CD68: variants seen among roughly 807,000 people sequenced by gnomAD.
CD68 encodes macrosialin.
In CD68, 24 loss-of-function variants were observed where a neutral mutation model predicts 31.3. That is an observed-to-expected ratio of 0.77 (90% confidence interval 0.55 to 1.08). The LOEUF is 1.08. CD68 is among the 50% of genes least tolerant of loss of function. CD68 has a pLI of 0.00. For missense variants in CD68, 461 were observed against 442.5 expected (o/e 1.04, Z -0.38); for synonymous variants, 190 against 179.6 (o/e 1.06, Z -0.46).
At position 7,580,221 on chromosome 17, in the gene CD68, A is replaced by C. The variant is rs748247778; in HGVS notation, c.461A>C (p.Lys154Thr). The change falls in exon 2 of 6, where the codon AAG becomes ACG. Residue 154 changes from lysine (K) to threonine (T), a missense_variant. By Grantham distance (78) the Lys-to-Thr change is moderately conservative. Transcript: ENST00000250092. The surrounding 1 kb of genome is among the most constrained non-coding windows in gnomAD (Gnocchi z 4.3). ...PPSPSPSPTS[K>T]ETIGDYTWTN... is the part of the protein sequence containing the mutation. Reference sequence around the variant, plus strand: ...TCTCCGAGTCCTAGCCCAACCTCCAAGGAGACCATTGGAGACTACACGTGG... The same window carrying C: ...TCTCCGAGTCCTAGCCCAACCTCCACGGAGACCATTGGAGACTACACGTGG... 1.2e-6 allele frequency: 2 copies of C among 1,613,200 alleles called. No individual in the cohort carries two copies. Among genetic ancestry groups the C allele is most frequent in the Non-Finnish European group, 1.7e-6 (2 of 1,179,664 alleles).
At position 7,581,825 on chromosome 17, in the gene CD68, G is replaced by C. The variant is rs1005323990; in HGVS notation, c.*314G>C. The C allele has an allele frequency of 6.1e-6, 2 of 328,550 alleles. No homozygotes were observed. The highest frequency in any genetic ancestry group is 4.3e-5 in the African/African-American group (2 of 46,986). 20.4% of individuals were successfully genotyped at this position (328,550 alleles called of 1,614,324 possible). On this transcript the variant is annotated 3_prime_UTR_variant, in exon 6 of 6. Coordinates refer to ENST00000250092, the MANE Select transcript of CD68 (RefSeq NM_001251.3). ...GGCCTGTAATCCCAGCTACTTGGGA[G>C]GCTGAGGCAGAACTGCTTGAACCCA...
chr17:7,581,279 C>T, intron 5 of CD68, 99 bp from the exon 6 acceptor site: 3 of 1,459,698 alleles, frequency 2.1e-6, no homozygotes, highest in Non-Finnish European at 2.9e-6. Context: ...GAGCTCCTCA[C>T]CAATCTCCTA....
chr17:7,581,593 T>C lies in CD68; in HGVS notation c.*82T>C. The C allele has an allele frequency of 7.1e-7, 1 of 1,403,232 alleles. No individual in the cohort carries two copies. The highest frequency in any genetic ancestry group is 1.0e-6 in the Non-Finnish European group (1 of 1,000,242). The allele number at this position is 1,403,232 out of a possible 1,614,324, so 86.9% of individuals were successfully genotyped here. A position where few individuals can be genotyped will look rare whatever the true frequency, so the allele number is the denominator to read the frequency against. ...CTTATTTCCTCGACACGCAACTGGC[T>C]CAAAGACAATGTTATTTTCCTTCCC... On this transcript the variant is annotated 3_prime_UTR_variant, in exon 6 of 6. Coordinates refer to ENST00000250092, the MANE Select transcript of CD68 (RefSeq NM_001251.3).
In CD68 at chr17:7,581,399, G is replaced by A. The variant is rs748487888; in HGVS notation, c.953G>A (p.Arg318Gln). The change falls in exon 6 of 6, where the codon CGG (arginine) becomes CAG (glutamine). Residue 318 changes from arginine (R) to glutamine (Q), a missense_variant. Coordinates refer to ENST00000250092, the MANE Select transcript of CD68 (RefSeq NM_001251.3). ...CCAGGTTTCTCCTGCCCCAGTGACC[G>A]GTCCATCTTGCTGCCTCTCATCATC... ...FGQSFSCPSD[R>Q]SILLPLIIGL... is the part of the protein sequence containing the mutation. 61 of 1,614,004 alleles carry A rather than the reference G, an allele frequency of 3.8e-5. No individual in the cohort carries two copies. In the Admixed American group the frequency reaches 7.8e-4, roughly 21 times the overall value.
rs778230032 is a variant in CD68 at position 7,580,871 on chromosome 17, A to C, written c.761-25A>C. 17 of 1,613,726 alleles carry C rather than the reference A, an allele frequency of 1.1e-5. No individual in the cohort carries two copies. The South Asian group carries it at 1.9e-4, about 18-fold the overall frequency. On this transcript the variant is annotated intron_variant, in intron 4 of 5. Coordinates refer to ENST00000250092, the MANE Select transcript of CD68 (RefSeq NM_001251.3). This position sits in a 1 kb window ranked among gnomAD's most constrained non-coding sequence, Gnocchi z 4.3. ...AGCTGGGGCCAGGGAGGTGGATAGG[A>C]TCTGACCCTTCCTCACTCCTCCAGA...
Position 7,581,360 on chromosome 17 carries a change from G to A in CD68, c.932-18G>A, listed in dbSNP as rs1465850468. ...AGCACGTCACTGCAAATACCTACCT[G>A]CCCTATCCTTCCGCCAGGTTTCTCC... is the stretch of plus-strand genomic sequence containing the variant. On this transcript the variant is annotated intron_variant, in intron 5 of 5. Coordinates refer to ENST00000250092, the MANE Select transcript of CD68 (RefSeq NM_001251.3). The A allele has an allele frequency of 6.2e-7, 1 of 1,613,822 alleles. No homozygotes were observed. Among genetic ancestry groups the A allele is most frequent in the African/African-American group, 1.3e-5 (1 of 74,852 alleles).
chr17:7,579,702 G>T lies in CD68; in HGVS notation c.25G>T (p.Gly9Trp). Residue 9 changes from glycine (G) to tryptophan (W), a missense_variant, in exon 1 of 6, where the codon GGG (glycine) becomes TGG (tryptophan). By Grantham distance (184) the Gly-to-Trp change is radical. Coordinates refer to ENST00000250092, the MANE Select transcript of CD68 (RefSeq NM_001251.3). The part of the protein sequence containing the change: MRLAVLFS[G>W]ALLGLLAAQG... Reference sequence around the variant, plus strand: ...CATGAGGCTGGCTGTGCTTTTCTCGGGGGCCCTGCTGGGGCTACTGGCAGG... The same window carrying T: ...CATGAGGCTGGCTGTGCTTTTCTCGTGGGCCCTGCTGGGGCTACTGGCAGG... 1 of 1,604,270 alleles carries T rather than the reference G, an allele frequency of 6.2e-7. No homozygotes were observed. The highest frequency in any genetic ancestry group is 1.3e-5 in the African/African-American group (1 of 74,412).
Position 7,581,530 on chromosome 17 carries a change from A to AGGGCACTGAGGGGGTT in CD68, c.*23_*38dup. 5 of 1,582,516 alleles carry AGGGCACTGAGGGGGTT rather than the reference A, an allele frequency of 3.2e-6. No homozygotes were observed. Among genetic ancestry groups the AGGGCACTGAGGGGGTT allele is most frequent in the Non-Finnish European group, 4.3e-6 (5 of 1,154,200 alleles). On this transcript the variant is annotated 3_prime_UTR_variant, in exon 6 of 6. Coordinates refer to ENST00000250092, the MANE Select transcript of CD68 (RefSeq NM_001251.3). The stretch of plus-strand genomic sequence containing the variant: ...CCTCTGAGCATTTGCTTCAAACCCC[A>AGGGCACTGAGGGGGTT]GGGCACTGAGGGGGTTGGGGTGTGG...
In CD68 at chr17:7,580,243, G is replaced by A. The variant is rs774918395; in HGVS notation, c.483G>A (p.Thr161=). Residue 161 remains threonine (T), a synonymous_variant, in exon 2 of 6, where the codon ACG becomes ACA. Coordinates refer to ENST00000250092, the MANE Select transcript of CD68 (RefSeq NM_001251.3). The surrounding 1 kb of genome is among the most constrained non-coding windows in gnomAD (Gnocchi z 4.3). ...PTSKETIGDY[T]WTNGSQPCVH... ...CCAAGGAGACCATTGGAGACTACACGTGGACCAATGGTTCCCAGCCCTGTG... is the reference window on the plus strand; with the variant it reads ...CCAAGGAGACCATTGGAGACTACACATGGACCAATGGTTCCCAGCCCTGTG... 2.7e-5 allele frequency: 43 copies of A among 1,613,416 alleles called. No individual in the cohort carries two copies. The highest frequency in any genetic ancestry group is 1.1e-4 in the East Asian group (5 of 44,858).
In CD68 at chr17:7,580,356, G is replaced by A; in HGVS notation, c.567+29G>A. On this transcript the variant is annotated intron_variant, in intron 2 of 5. Coordinates refer to ENST00000250092, the MANE Select transcript of CD68 (RefSeq NM_001251.3). This position sits in a 1 kb window ranked among gnomAD's most constrained non-coding sequence, Gnocchi z 4.3. ...AAGCTAAAACTGGGGGATGAGAGGG[G>A]AGGGAGGCAGGACTGGATATAGGCT... is the stretch of plus-strand genomic sequence containing the variant. 1 of 1,608,224 alleles carries A rather than the reference G, an allele frequency of 6.2e-7. No individual in the cohort carries two copies. Among genetic ancestry groups the A allele is most frequent in the Non-Finnish European group, 8.5e-7 (1 of 1,175,866 alleles).
At position 7,581,607 on chromosome 17, in the gene CD68, A is replaced by C; in HGVS notation, c.*96A>C. ...ACGCAACTGGCTCAAAGACAATGTT[A>C]TTTTCCTTCCCTTTCTTGAAGAACA... On this transcript the variant is annotated 3_prime_UTR_variant, in exon 6 of 6. Coordinates refer to ENST00000250092, the MANE Select transcript of CD68 (RefSeq NM_001251.3). 7.6e-7 allele frequency: 1 copy of C among 1,318,696 alleles called. No individual in the cohort carries two copies. Among genetic ancestry groups the C allele is most frequent in the South Asian group, 1.2e-5 (1 of 81,638 alleles). 81.7% of individuals were successfully genotyped at this position (1,318,696 alleles called of 1,614,324 possible). A position where few individuals can be genotyped will look rare whatever the true frequency, so the allele number is the denominator to read the frequency against.
Position 7,580,960 on chromosome 17 carries a change from C to T in CD68, c.825C>T (p.Phe275=), listed in dbSNP as rs536996705. 6.5e-5 allele frequency: 105 copies of T among 1,613,938 alleles called. No homozygotes were observed. The highest frequency in any genetic ancestry group is 1.6e-4 in the Middle Eastern group (1 of 6,084). The change falls in exon 5 of 6, where the codon TTC becomes TTT. Residue 275 remains phenylalanine (F), a synonymous_variant. Transcript: ENST00000250092. This position sits in a 1 kb window ranked among gnomAD's most constrained non-coding sequence, Gnocchi z 4.3. ...RDLQAPLGQS[F]SCSNSSIILS... is the part of the protein sequence containing the mutation. ...TCCAAGCACCCCTGGGGCAGAGCTT[C>T]AGTTGCAGCAACTCGAGCATCATTC... is the stretch of plus-strand genomic sequence containing the variant.
rs2071468398 is a variant in CD68, at chr17:7,580,387, GGAA to G, written c.567+65_567+67del. 1 of 1,609,464 alleles carries G rather than the reference GGAA, an allele frequency of 6.2e-7. No homozygotes were observed. The highest frequency in any genetic ancestry group is 2.2e-5 in the East Asian group (1 of 44,766). On this transcript the variant is annotated intron_variant, in intron 2 of 5. Transcript: ENST00000250092. The surrounding 1 kb of genome is among the most constrained non-coding windows in gnomAD (Gnocchi z 4.3). ...GGCAGGACTGGATATAGGCTCAGAG[GGAA>G]GAAGGAAGAGGGGACAGGGAACCTT...
rs2071478728 is a variant in CD68 at position 7,581,064 on chromosome 17, A to G, written c.929A>G (p.Gln310Arg). 2 of 1,613,002 alleles carry G rather than the reference A, an allele frequency of 1.2e-6. No homozygotes were observed. Among genetic ancestry groups the G allele is most frequent in the Non-Finnish European group, 1.7e-6 (2 of 1,179,444 alleles). Residue 310 changes from glutamine to arginine, a missense_variant and splice_region_variant, in exon 5 of 6, where the codon CAA becomes CGA. Gln to Arg is a conservative substitution (Grantham distance 43). Coordinates refer to ENST00000250092, the MANE Select transcript of CD68 (RefSeq NM_001251.3). ...CTGCCCCACACAGGGGTCTTTGGGC[A>G]AAGTAAGACCTACCTACTCCTTCCC... is the stretch of plus-strand genomic sequence containing the variant. ...AQLPHTGVFG[Q>R]SFSCPSDRSI...
rs926078363 is a variant in CD68 at position 7,581,923 on chromosome 17, GAC to G, written c.*414_*415del. The G allele has an allele frequency of 1.6e-5, 3 of 182,714 alleles. No individual in the cohort carries two copies. The highest frequency in any genetic ancestry group is 2.4e-5 in the African/African-American group (1 of 41,756). 11.3% of individuals were successfully genotyped at this position (182,714 alleles called of 1,614,324 possible). On this transcript the variant is annotated 3_prime_UTR_variant, in exon 6 of 6. Coordinates refer to ENST00000250092, the MANE Select transcript of CD68 (RefSeq NM_001251.3). The stretch of plus-strand genomic sequence containing the variant: ...CGCGCCACTGCACTCCAGCCTGGGC[GAC>G]AGAGCCAGACTGTCTCAAATAAATA...
In CD68 at chr17:7,580,712, A is replaced by C. The variant is rs375244919; in HGVS notation, c.689A>C (p.Asp230Ala). Residue 230 changes from aspartate (D) to alanine (A), a missense_variant and splice_region_variant, in exon 4 of 6, where the codon GAC becomes GCC. Physicochemically the swap from Asp to Ala is moderately radical, Grantham distance 126. Transcript: ENST00000250092. The surrounding 1 kb of genome is among the most constrained non-coding windows in gnomAD (Gnocchi z 4.3). ...YGHLSFGFMQ[D>A]LQQKVVYLSY... ...TGCGCCTTCCTCTTCGCCCCACAGG[A>C]CCTCCAGCAGAAGGTTGTCTACCTG... is the stretch of plus-strand genomic sequence containing the variant. The C allele has an allele frequency of 6.2e-7, 1 of 1,613,576 alleles. No individual in the cohort carries two copies. Among genetic ancestry groups the C allele is most frequent in the South Asian group, 1.1e-5 (1 of 91,078 alleles).
chr17:7,579,898 TG>T lies in CD68; in HGVS notation c.140del (p.Gly47GlufsTer150). On this transcript the variant is annotated frameshift_variant, in exon 2 of 6. Transcript: ENST00000250092. LOFTEE classifies it high-confidence loss of function. ...TGACACCCACGGTTACAGAGAGCAC[TG>T]GAACAACCAGCCACAGGACTACCAA... Reference protein sequence around the residue: ...TVTPTVTESTGTTSHRTTKSH... With the variant: ...TVTPTVTESTXTTSHRTTKSH... 5.6e-6 allele frequency: 9 copies of T among 1,613,820 alleles called. No individual in the cohort carries two copies. Among genetic ancestry groups the T allele is most frequent in the Non-Finnish European group, 7.6e-6 (9 of 1,179,960 alleles).
intron 5 of CD68, 104 bp downstream of exon 5, chr17:7,581,170 T>C (rs775543239): frequency 2.0e-5 from 25 of 1,219,816 alleles, no homozygotes; most frequent in Non-Finnish European, 2.8e-5. Flanking sequence ...CCCCCAAATC[T>C]CGCTCTCCCA....
Position 7,580,614 on chromosome 17 carries a change from C to A in CD68, c.687+29C>A. The A allele has an allele frequency of 6.2e-7, 1 of 1,613,778 alleles. No homozygotes were observed. The highest frequency in any genetic ancestry group is 8.5e-7 in the Non-Finnish European group (1 of 1,179,818). ...TAGCCATGACCTCAGTCTCACCCCT[C>A]ACTCAGCCTCCCGGCGCCCCTCCCC... is the stretch of plus-strand genomic sequence containing the variant. On this transcript the variant is annotated intron_variant, in intron 3 of 5. Coordinates refer to ENST00000250092, the MANE Select transcript of CD68 (RefSeq NM_001251.3). This position sits in a 1 kb window ranked among gnomAD's most constrained non-coding sequence, Gnocchi z 4.3.
Sources: allele counts gnomAD v4.1 joint callset, GRCh38; gene constraint gnomAD v4.1.1; non-coding constraint Gnocchi (gnomAD v3.1); transcripts MANE v1.5; gene names NCBI Gene and HGNC (gene_info 2026-07-23, HGNC 2026-07-21).